The following CSN3 variants were observed in gnomAD, a reference collection of about 807,000 sequenced individuals.
The protein encoded by CSN3 is casein kappa, also known as kappa-casein.
CSN3 carries 7 observed loss-of-function variants against 9.9 expected under a neutral mutation model. The observed-to-expected ratio is 0.71, with a 90% CI of 0.40 to 1.33. The LOEUF (loss-of-function observed/expected upper bound fraction) is 1.33. Ranked by LOEUF, CSN3 falls within the 40% of genes most tolerant of loss-of-function variation. CSN3 has a pLI of 0.01. For synonymous variants in CSN3, 88 were observed against 82.3 expected (o/e 1.07, Z -0.37); for missense variants, 253 against 227.9 (o/e 1.11, Z -0.71).
exon 4 of CSN3, chr4:70,249,445 C>A (rs1413195812): frequency 1.2e-6 from 2 of 1,611,692 alleles, no homozygotes; most frequent in African/African-American, 1.3e-5. Flanking sequence ...TGCAGTTACT[C>A]CACCTACGGC....
upstream of CSN3, among the ~76,000 whole-genome samples, chr4:70,240,755 T>C (rs1165074859): frequency 6.6e-6 from 1 of 152,014 alleles, no homozygotes; most frequent in Non-Finnish European, 1.5e-5. Context: ...CAGAGATGTT[T>C]ACCTGCTTTG....
rs150323423 is a variant in CSN3 at position 70,245,842 on chromosome 4, C to A, written c.54+969C>A. Among the ~76,000 whole-genome samples the A allele has an allele frequency of 5.1e-4, 78 of 152,134 alleles. 2 individuals carry two copies. In the East Asian group the frequency reaches 6.8e-3, roughly 13 times the overall value. On this transcript the variant is annotated intron_variant, in intron 2 of 4. Coordinates refer to ENST00000304954, the Ensembl canonical transcript of CSN3. ...AGGTCAATTCTTGGAGTCAAAATTA[C>A]CTTTTAAAACTTTGAGTTCTACAAC...
intron 2 of CSN3, among the ~76,000 whole-genome samples, chr4:70,245,442 G>T (rs1730358853): frequency 6.6e-6 from 1 of 152,128 alleles, no homozygotes; most frequent in Admixed American, 6.6e-5. Flanking sequence ...AGGGATCAAT[G>T]GTTATAAACA....
At chr4:70,247,448 C>T (rs1730402373) in intron 2 of CSN3, among the ~76,000 whole-genome samples, 1 of 152,044 alleles carries the variant, frequency 6.6e-6, no homozygotes, top group African/African-American at 2.4e-5. Context: ...GCTCAATGCT[C>T]CTCTAATTTT....
chr4:70,244,122 C>T (rs1730325763), intron 1 of CSN3, among the ~76,000 whole-genome samples: 1 of 152,054 alleles, frequency 6.6e-6, no homozygotes, highest in Non-Finnish European at 1.5e-5. Flanking sequence ...ATTCAGTCCT[C>T]CAAAAAATGT....
In CSN3 at chr4:70,244,807, T is replaced by A. The variant is rs1356509135; in HGVS notation, c.-8-5T>A. The A allele has an allele frequency of 3.3e-6, 5 of 1,502,660 alleles. No homozygotes were observed. The highest frequency in any genetic ancestry group is 4.5e-6 in the Non-Finnish European group (5 of 1,119,344). The allele number at this position is 1,502,660 out of a possible 1,614,324, so 93.1% of individuals were successfully genotyped here. ...AAATTAATTTTTTTTTAAATTTATC[T>A]TTAGGTGCAATAATGAAGAGTTTTC... On this transcript the variant is annotated splice_polypyrimidine_tract_variant and splice_region_variant and intron_variant, in intron 1 of 4. Transcript: ENST00000304954.
At chr4:70,241,186 C>T (rs1578251878), upstream of CSN3, among the ~76,000 whole-genome samples, 1 of 151,854 alleles carries the variant, frequency 6.6e-6, no homozygotes, top group Non-Finnish European at 1.5e-5. Context: ...CAACCACGGA[C>T]CCTGATAATC....
intron 2 of CSN3, 117 bp from the exon 3 acceptor site, chr4:70,247,701 A>C: frequency 1.1e-6 from 1 of 900,152 alleles, no homozygotes; most frequent in Non-Finnish European, 1.7e-6. Context: ...AATGTTTTAA[A>C]AAATAAAAAG....
At chr4:70,244,033 C>T (rs1730324295) in intron 1 of CSN3, among the ~76,000 whole-genome samples, 1 of 151,946 alleles carries the variant, frequency 6.6e-6, no homozygotes, top group Admixed American at 6.6e-5. Flanking sequence ...CCTGGTTTTA[C>T]AGGTAAGAAA....
rs1261577401 is a variant in CSN3 at position 70,249,891 on chromosome 4, G to A, written c.*34+398G>A. 3.9e-5 allele frequency among the ~76,000 whole-genome samples: 6 copies of A among 152,122 alleles called. No homozygotes were observed. In the South Asian group the frequency reaches 1.0e-3, roughly 26 times the overall value. On this transcript the variant is annotated intron_variant, in intron 4 of 4. Transcript: ENST00000304954. ...GAAGTTATATAGAATATGAGTTTGA[G>A]TAAATTTTAATTCTGTAACAATTCT...
intron 4 of CSN3, 125 bp downstream of exon 4, chr4:70,249,618 T>C: frequency 1.6e-6 from 1 of 634,682 alleles, no homozygotes; most frequent in Non-Finnish European, 2.7e-6. Flanking sequence ...CAAAACAGGG[T>C]ACTTACAGTT....
At chr4:70,245,017 T>A (rs147959002) in intron 2 of CSN3, 144 bp downstream of exon 2, 30 of 390,350 alleles carry the variant, frequency 7.7e-5, no homozygotes, top group African/African-American at 4.4e-4. Context: ...TTAATTTTTT[T>A]AATATTTATT....
chr4:70,249,252 T>A, exon 4 of CSN3: 1 of 1,614,072 alleles, frequency 6.2e-7, no homozygotes, highest in Non-Finnish European at 8.5e-7. Flanking sequence ...CAAACCTGCA[T>A]CCATCATTTA....
In CSN3 at chr4:70,247,606, A is replaced by G. The variant is rs548794641; in HGVS notation, c.55-212A>G. Among the ~76,000 whole-genome samples the G allele has an allele frequency of 1.4e-3, 212 of 152,274 alleles. 2 individuals carry two copies. Among genetic ancestry groups the G allele is most frequent in the African/African-American group, 4.8e-3 (201 of 41,582 alleles). ...CTAGGTGGTGATGTTTAAAGACAATATAAACATGCAGTTTATTATTACTAA... is the reference window on the plus strand; with the variant it reads ...CTAGGTGGTGATGTTTAAAGACAATGTAAACATGCAGTTTATTATTACTAA... On this transcript the variant is annotated intron_variant, in intron 2 of 4. Transcript: ENST00000304954.
intron 2 of CSN3, among the ~76,000 whole-genome samples, chr4:70,245,129 G>T (rs1398053576): frequency 6.6e-6 from 1 of 151,954 alleles, no homozygotes; most frequent in Non-Finnish European, 1.5e-5. Context: ...AAATTCTCAT[G>T]CTATAGAGAA....
At chr4:70,244,440 A>C (rs1039570351) in intron 1 of CSN3, among the ~76,000 whole-genome samples, 2 of 152,064 alleles carry the variant, frequency 1.3e-5, no homozygotes, top group Non-Finnish European at 2.9e-5. Context: ...TATTAATAGA[A>C]AACCACTTTT....
chr4:70,249,193 C>T lies in CSN3; in HGVS notation c.283C>T (p.Gln95Ter), dbSNP rs1730435651. ...AGTTAGGCCACATGCCCAAATTCCTCAGCGGCAATACCTGCCAAATAGCCA... is the reference window on the plus strand; with the variant it reads ...AGTTAGGCCACATGCCCAAATTCCTTAGCGGCAATACCTGCCAAATAGCCA... The change falls in exon 4 of 5, where the codon CAG (glutamine) becomes TAG (stop). Residue 95 changes from glutamine (Q) to a stop codon, truncating the protein, a stop_gained. Transcript: ENST00000304954. LOFTEE classifies it low-confidence loss of function (END_TRUNC). 6.2e-7 allele frequency: 1 copy of T among 1,614,110 alleles called. No homozygotes were observed. Among genetic ancestry groups the T allele is most frequent in the African/African-American group, 1.3e-5 (1 of 75,062 alleles).
At chr4:70,244,738 A>G (rs1436809707) in intron 1 of CSN3, 74 bp from the exon 2 acceptor site, 3 of 749,968 alleles carry the variant, frequency 4.0e-6, no homozygotes, top group Middle Eastern at 4.3e-4. Flanking sequence ...TCAAGGAAAC[A>G]TTGTATTCAA....
At chr4:70,248,725 C>A (rs1730425375) in intron 3 of CSN3, among the ~76,000 whole-genome samples, 1 of 151,640 alleles carries the variant, frequency 6.6e-6, no homozygotes, top group Non-Finnish European at 1.5e-5. Flanking sequence ...AATCTCTGGG[C>A]AATATGGTTT....
Sources: allele counts gnomAD v4.1 joint callset (sites outside exome capture counted in the v4.1 genomes callset), GRCh38; gene constraint gnomAD v4.1.1; transcripts MANE v1.5; gene names NCBI Gene and HGNC (gene_info 2026-07-23, HGNC 2026-07-21).